Variants in DNAH11 observed in about 807,000 individuals in gnomAD.
DNAH11 encodes the protein axonemal beta dynein heavy chain 11.
DNAH11 carries 442 observed loss-of-function variants against 526.0 expected under a neutral mutation model. The ratio of observed to expected loss-of-function variants is 0.84; its 90% CI spans 0.78 to 0.91. The LOEUF (loss-of-function observed/expected upper bound fraction) is 0.91. Among genes scored for constraint, DNAH11 ranks in the 40% least tolerant of loss-of-function variants. The probability of loss-of-function intolerance (pLI) is 0.00; values close to 1 mark genes in which losing one functional copy is unlikely to be tolerated. For synonymous variants in DNAH11, 2,461 were observed against 1,935.9 expected (o/e 1.27, Z -7.12); for missense variants, 6,989 against 5,448.7 (o/e 1.28, Z -8.90).
intron 75 of DNAH11, among the ~76,000 whole-genome samples, chr7:21,881,314 G>A (rs372475604): frequency 1.1e-4 from 17 of 152,200 alleles, no homozygotes; most frequent in Middle Eastern, 6.8e-3. Flanking sequence ...AATTTACAGC[G>A]CGTCACATGT....
At chr7:21,852,776 G>T in intron 67 of DNAH11, 145 bp downstream of exon 67, 2 of 761,844 alleles carry the variant, frequency 2.6e-6, no homozygotes, top group Non-Finnish European at 3.8e-6. Flanking sequence ...CAGTTGGACT[G>T]TGTGGGATTG....
intron 55 of DNAH11, among the ~76,000 whole-genome samples, chr7:21,772,353 T>G (rs1269978130): frequency 8.1e-6 from 1 of 123,380 alleles, no homozygotes; most frequent in Non-Finnish European, 1.7e-5. Flanking sequence ...TTCTTCTTTC[T>G]TTCTTTTTTT....
Position 21,854,453 on chromosome 7 carries a change from A to C in DNAH11, c.11200A>C (p.Lys3734Gln), listed in dbSNP as rs114257197. 2,322 of 1,612,972 alleles carry C rather than the reference A, an allele frequency of 1.4e-3. 31 individuals carry two copies. In the African/African-American group the frequency reaches 0.025, roughly 18 times the overall value. ...CAACCCCCTCTACCAATTCTCTTTG[A>C]AGGTAATGCTGAATGAGCTAAGAAA... ...KINPLYQFSL[K>Q]AFNVLFHRAI... Residue 3734 changes from lysine to glutamine, a missense_variant and splice_region_variant, in exon 68 of 82, where the codon AAG becomes CAG. By Grantham distance (53) the Lys-to-Gln change is moderately conservative. Coordinates refer to ENST00000409508, the MANE Select transcript of DNAH11 (RefSeq NM_001277115.2).
chr7:21,770,376 A>T (rs1395812137), intron 55 of DNAH11, among the ~76,000 whole-genome samples: 1 of 152,240 alleles, frequency 6.6e-6, no homozygotes, highest in African/African-American at 2.4e-5. Context: ...CAAAGTTTTG[A>T]CTGTGACCCA....
rs145549637 is a variant in DNAH11 at position 21,825,716 on chromosome 7, T to G, written c.10691+7377T>G. ...AAATGCTTAAAAAGTGCTTTGATGT[T>G]TGGGAGGCCAAGGCAGGTGGATCAT... On this transcript the variant is annotated intron_variant, in intron 65 of 81. Coordinates refer to ENST00000409508, the MANE Select transcript of DNAH11 (RefSeq NM_001277115.2). 2.5e-3 allele frequency among the ~76,000 whole-genome samples: 373 copies of G among 152,200 alleles called. 2 individuals are homozygous for G. Among genetic ancestry groups the G allele is most frequent in the African/African-American group, 8.3e-3 (346 of 41,556 alleles).
At chr7:21,805,880 CT>C (rs1454098484) in intron 62 of DNAH11, among the ~76,000 whole-genome samples, 2 of 152,162 alleles carry the variant, frequency 1.3e-5, no homozygotes, top group African/African-American at 4.8e-5. Flanking sequence ...AGACAGTTAA[CT>C]TCTGAAAAAC....
At position 21,725,820 on chromosome 7, in the gene DNAH11, T is replaced by G. The variant is rs1327345041; in HGVS notation, c.7276T>G (p.Tyr2426Asp). The G allele has an allele frequency of 1.2e-6, 2 of 1,610,990 alleles. No homozygotes were observed. Among genetic ancestry groups the G allele is most frequent in the South Asian group, 1.1e-5 (1 of 90,076 alleles). The change falls in exon 45 of 82, where the codon TAT (tyrosine) becomes GAT (aspartate). Residue 2426 changes from tyrosine (Y) to aspartate (D), a missense_variant. Tyr to Asp is a radical substitution (Grantham distance 160, BLOSUM62 -3). Transcript: ENST00000409508. ...GTLLQDQISD[Y>D]QADFSRWWQK... is the part of the protein sequence containing the mutation. ...CTTTTGTTCTCCTTAGATTTCTGAT[T>G]ATCAAGCTGACTTCAGTCGGTGGTG...
chr7:21,794,652 T>G (rs554741015), intron 61 of DNAH11, among the ~76,000 whole-genome samples: 1 of 151,986 alleles, frequency 6.6e-6, no homozygotes, highest in South Asian at 2.1e-4. Flanking sequence ...ACAGCCACTC[T>G]GATTTGGCAT....
intron 56 of DNAH11, among the ~76,000 whole-genome samples, chr7:21,777,612 A>G (rs532898728): frequency 6.6e-6 from 1 of 152,224 alleles, no homozygotes; most frequent in African/African-American, 2.4e-5. Context: ...TAACCATTCT[A>G]ATAGGCGTGT....
rs118032672 is a variant in DNAH11 at position 21,568,251 on chromosome 7, A to G, written c.1195-1818A>G. ...AGTGGGACTAGTTCATCCTAAATCT[A>G]GTGGCTTTTAGCTTGTTTGTGCTGG... is the stretch of plus-strand genomic sequence containing the variant. On this transcript the variant is annotated intron_variant, in intron 6 of 81. Coordinates refer to ENST00000409508, the MANE Select transcript of DNAH11 (RefSeq NM_001277115.2). Among the ~76,000 whole-genome samples, 598 of 152,280 alleles carry G rather than the reference A, an allele frequency of 3.9e-3. 2 individuals are homozygous for G. Among genetic ancestry groups the G allele is most frequent in the Middle Eastern group, 0.017 (5 of 294 alleles).
Position 21,687,220 on chromosome 7 carries a change from T to C in DNAH11, c.5743T>C (p.Tyr1915His), listed in dbSNP as rs2128473953. ...DLGRALGMMV[Y>H]VFNCSEQMDY... Reference sequence around the variant, plus strand: ...AGGACGTGCCCTTGGCATGATGGTCTATGTATTCAACTGTTCAGAGCAAAT... The same window carrying C: ...AGGACGTGCCCTTGGCATGATGGTCCATGTATTCAACTGTTCAGAGCAAAT... The change falls in exon 33 of 82, where the codon TAT becomes CAT. Residue 1915 changes from tyrosine to histidine, a missense_variant. Tyr to His is a moderately conservative substitution (Grantham distance 83). Coordinates refer to ENST00000409508, the MANE Select transcript of DNAH11 (RefSeq NM_001277115.2). 1 of 1,605,194 alleles carries C rather than the reference T, an allele frequency of 6.2e-7. No homozygotes were observed. The highest frequency in any genetic ancestry group is 8.5e-7 in the Non-Finnish European group (1 of 1,176,294).
chr7:21,819,752 G>A (rs1009142661), intron 65 of DNAH11, among the ~76,000 whole-genome samples: 5 of 152,118 alleles, frequency 3.3e-5, no homozygotes, highest in East Asian at 3.9e-4. Flanking sequence ...CAGTATGGAC[G>A]TAGTTAACTA....
At chr7:21,751,095 G>A (rs1440073990) in intron 54 of DNAH11, among the ~76,000 whole-genome samples, 1 of 152,104 alleles carries the variant, frequency 6.6e-6, no homozygotes, top group African/African-American at 2.4e-5. Flanking sequence ...AAGCCATGGT[G>A]GGTGGATCAC....
intron 45 of DNAH11, among the ~76,000 whole-genome samples, chr7:21,726,860 CAAAAAAAAAAAAAAA>C (rs1166791175): frequency 1.4e-4 from 2 of 13,812 alleles, no homozygotes; most frequent in Non-Finnish European, 2.1e-4. Context: ...GACTCTGTCT[CAAAAAAAAAAAAAAA>C]AAAAAAAAAA....
chr7:21,631,300 C>T (rs1786593930), intron 25 of DNAH11, among the ~76,000 whole-genome samples: 2 of 152,132 alleles, frequency 1.3e-5, no homozygotes, highest in Non-Finnish European at 2.9e-5. Flanking sequence ...GACAGCCAAA[C>T]CATATCATTC....
intron 25 of DNAH11, among the ~76,000 whole-genome samples, chr7:21,626,819 C>G (rs867919096): frequency 7.2e-6 from 1 of 138,348 alleles, no homozygotes; most frequent in Admixed American, 8.2e-5. Flanking sequence ...GGCGTGATCT[C>G]GGCTCACTGC....
chr7:21,884,525 G>A, intron 76 of DNAH11, 115 bp downstream of exon 76: 2 of 1,153,456 alleles, frequency 1.7e-6, no homozygotes, highest in South Asian at 1.9e-5. Flanking sequence ...AGGATGCTTG[G>A]CCTTTTGGGA....
At chr7:21,900,262 ATAAT>A (rs1249924374) in intron 81 of DNAH11, 142 bp downstream of exon 81, 5 of 995,920 alleles carry the variant, frequency 5.0e-6, no homozygotes, top group Non-Finnish European at 6.8e-6. Context: ...TTCCTCTTAA[ATAAT>A]TTAAGTGCTG....
At chr7:21,789,397 C>T in intron 61 of DNAH11, 55 bp downstream of exon 61, 6 of 1,190,394 alleles carry the variant, frequency 5.0e-6, no homozygotes, top group Non-Finnish European at 6.0e-6. Flanking sequence ...GCTGCCTCCA[C>T]CTTAGGATTC....
Sources: allele counts gnomAD v4.1 joint callset (sites outside exome capture counted in the v4.1 genomes callset), GRCh38; gene constraint gnomAD v4.1.1; transcripts MANE v1.5; gene names NCBI Gene and HGNC (gene_info 2026-07-23, HGNC 2026-07-21).